Variants in MAST2 observed in about 807,000 individuals in gnomAD.
MAST2 encodes microtubule associated serine/threonine kinase 2.
Under a neutral mutation model 147.4 loss-of-function variants are expected in MAST2, and 70 were observed. That is an observed-to-expected ratio of 0.47 (90% confidence interval 0.39 to 0.58). The LOEUF (loss-of-function observed/expected upper bound fraction) is 0.58. MAST2 is among the 20% of genes least tolerant of loss of function. The probability of loss-of-function intolerance (pLI) is 0.00; values close to 1 mark genes in which losing one functional copy is unlikely to be tolerated. For missense variants in MAST2, 2,080 were observed against 2,302.3 expected, an observed-to-expected ratio of 0.90 and a Z score of 1.98; for synonymous variants, 869 against 896.8, an observed-to-expected ratio of 0.97 and a Z score of 0.55.
intron 5 of MAST2, among the ~76,000 whole-genome samples, chr1:45,991,060 G>T (rs1571103485): frequency 6.6e-6 from 1 of 151,948 alleles, no homozygotes; most frequent in Non-Finnish European, 1.5e-5. Flanking sequence ...GACCCATTTT[G>T]AGTTAATTTT....
At chr1:45,856,439 T>C (rs1645792383) in intron 3 of MAST2, among the ~76,000 whole-genome samples, 1 of 152,224 alleles carries the variant, frequency 6.6e-6, no homozygotes, top group African/African-American at 2.4e-5. Context: ...ATGACAAATG[T>C]GAGACTATTT....
At chr1:45,969,468 C>A (rs1267963018) in intron 5 of MAST2, among the ~76,000 whole-genome samples, 1 of 152,134 alleles carries the variant, frequency 6.6e-6, no homozygotes, top group African/African-American at 2.4e-5. Context: ...GTATTTACAG[C>A]CGCTCCTTAT....
Position 46,032,605 on chromosome 1 carries a change from G to A in MAST2, c.3424G>A (p.Asp1142Asn), listed in dbSNP as rs761138670. The change falls in exon 26 of 29, where the codon GAT becomes AAT. Residue 1142 changes from aspartate to asparagine, a missense_variant. Asp to Asn is a conservative substitution (Grantham distance 23). Around this residue, in one of 4 missense-constraint regions of MAST2, gnomAD observed 1,278 missense variants for 1,304.2 expected, o/e 0.98. Transcript: ENST00000361297. ...TVHHMVWHVEDGGPASEAGLR... is the reference protein window; with the variant it reads ...TVHHMVWHVENGGPASEAGLR... ...TCTCTTCCTGGCACAGCACGTGGAG[G>A]ATGGAGGTCCGGCCAGTGAGGCAGG... 6.2e-7 allele frequency: 1 copy of A among 1,614,146 alleles called. No homozygotes were observed. Among genetic ancestry groups the A allele is most frequent in the Non-Finnish European group, 8.5e-7 (1 of 1,179,998 alleles).
chr1:45,860,201 TACACACAC>T (rs777498021), intron 3 of MAST2, among the ~76,000 whole-genome samples: 98 of 144,122 alleles, frequency 6.8e-4, no homozygotes, highest in Middle Eastern at 6.8e-3. Flanking sequence ...CTACTAAAAA[TACACACAC>T]ACACACACAC....
chr1:46,012,845 T>C (rs574053615), intron 10 of MAST2, among the ~76,000 whole-genome samples: 2 of 152,082 alleles, frequency 1.3e-5, no homozygotes, highest in South Asian at 2.1e-4. Context: ...AGCCAGGCAT[T>C]TCACCATGTT....
intron 4 of MAST2, among the ~76,000 whole-genome samples, chr1:45,944,705 A>G (rs1456116471): frequency 6.6e-6 from 1 of 152,044 alleles, no homozygotes; most frequent in East Asian, 1.9e-4. Context: ...TTCTCCTCCA[A>G]CTCAGAGTGA....
chr1:45,899,533 C>G (rs1179637680), intron 4 of MAST2, among the ~76,000 whole-genome samples: 1 of 152,024 alleles, frequency 6.6e-6, no homozygotes, highest in Non-Finnish European at 1.5e-5. Flanking sequence ...TTGTTTAGCT[C>G]TCACTTATAA....
At chr1:45,939,394 A>G (rs746573354) in intron 4 of MAST2, among the ~76,000 whole-genome samples, 1 of 152,006 alleles carries the variant, frequency 6.6e-6, no homozygotes, top group Non-Finnish European at 1.5e-5. Flanking sequence ...CTAATTCCAC[A>G]CTATCTTTGT....
chr1:45,833,697 A>G (rs976212168), intron 3 of MAST2, among the ~76,000 whole-genome samples: 4 of 152,124 alleles, frequency 2.6e-5, no homozygotes, highest in Non-Finnish European at 5.9e-5. Flanking sequence ...AGCATCTTTC[A>G]TGTGCTTACC....
chr1:45,885,524 A>G (rs576294862), intron 4 of MAST2, among the ~76,000 whole-genome samples: 1 of 152,314 alleles, frequency 6.6e-6, no homozygotes, highest in Admixed American at 6.5e-5. Flanking sequence ...TCCACTCAAC[A>G]AGTAATTCCT....
At chr1:45,887,531 T>C (rs911368246) in intron 4 of MAST2, among the ~76,000 whole-genome samples, 23 of 152,182 alleles carry the variant, frequency 1.5e-4, no homozygotes, top group African/African-American at 5.5e-4. Context: ...GTGTCTGCAG[T>C]GATAGGCACT....
chr1:46,000,744 C>T (rs924489557), intron 6 of MAST2, among the ~76,000 whole-genome samples: 13 of 152,272 alleles, frequency 8.5e-5, no homozygotes, highest in African/African-American at 2.2e-4. Context: ...TACTGGCTGG[C>T]GCTTTGGAGG....
At chr1:46,019,077 C>T in intron 10 of MAST2, among the ~76,000 whole-genome samples, 1 of 152,224 alleles carries the variant, frequency 6.6e-6, no homozygotes, top group Non-Finnish European at 1.5e-5. Flanking sequence ...CCCTTGTCTG[C>T]ATTCTTCTGC....
At chr1:45,855,547 C>T (rs994722418) in intron 3 of MAST2, among the ~76,000 whole-genome samples, 1 of 151,602 alleles carries the variant, frequency 6.6e-6, no homozygotes, top group African/African-American at 2.4e-5. Context: ...TAATTTATTT[C>T]AAGTGGGGTT....
chr1:45,831,639 G>GTA (rs1367566627), intron 3 of MAST2, among the ~76,000 whole-genome samples: 2 of 152,022 alleles, frequency 1.3e-5, no homozygotes, highest in African/African-American at 4.8e-5. Flanking sequence ...TTTTCTGTGT[G>GTA]TATATATGTA....
intron 5 of MAST2, among the ~76,000 whole-genome samples, chr1:45,991,257 G>C (rs773555227): frequency 1.2e-4 from 18 of 152,096 alleles, no homozygotes; most frequent in Non-Finnish European, 2.1e-4. Flanking sequence ...TTATGTATCT[G>C]TTCTTCCACC....
chr1:45,933,904 A>AG (rs1378023528), intron 4 of MAST2, among the ~76,000 whole-genome samples: 3 of 124,910 alleles, frequency 2.4e-5, no homozygotes, highest in African/African-American at 5.9e-5. Context: ...AAAAATTTTA[A>AG]GTTTTTTTTT....
intron 4 of MAST2, among the ~76,000 whole-genome samples, chr1:45,911,454 G>A (rs561597865): frequency 8.5e-5 from 13 of 152,288 alleles, no homozygotes; most frequent in Non-Finnish European, 1.6e-4. Flanking sequence ...AATATATGCA[G>A]AGCAGGCTAG....
intron 5 of MAST2, among the ~76,000 whole-genome samples, chr1:45,966,562 C>G (rs1400445877): frequency 6.6e-6 from 1 of 152,084 alleles, no homozygotes; most frequent in Non-Finnish European, 1.5e-5. Context: ...GAAATGTCGT[C>G]TCTACTAAAA....
Sources: gnomAD v4.1 joint callset for allele counts (sites outside exome capture counted in the v4.1 genomes callset) on GRCh38, gnomAD v4.1.1 for gene constraint, gnomAD v4.1.1 regional missense constraint, MANE v1.5 for transcripts, NCBI Gene and HGNC (gene_info 2026-07-23, HGNC 2026-07-21) for gene names.